Variants in SLC14A1 observed in about 807,000 individuals in gnomAD.
SLC14A1 encodes the protein solute carrier family 14 member 1 (Kidd blood group).
SLC14A1 carries 36 observed loss-of-function variants against 39.6 expected under a neutral mutation model. The ratio of observed to expected loss-of-function variants is 0.91; its 90% CI spans 0.70 to 1.20. The LOEUF (loss-of-function observed/expected upper bound fraction) is 1.20. Ranked by LOEUF, SLC14A1 falls within the 50% of genes most tolerant of loss-of-function variation. The pLI is 0.00. For missense variants in SLC14A1, 469 were observed against 478.7 expected (o/e 0.98, Z 0.19); for synonymous variants, 164 against 173.6 (o/e 0.94, Z 0.43).
At chr18:45,737,867 G>A (rs2047242877) in intron 6 of SLC14A1, among the ~76,000 whole-genome samples, 1 of 152,136 alleles carries the variant, frequency 6.6e-6, no homozygotes, top group African/African-American at 2.4e-5. Context: ...AAGTTATCCT[G>A]CACAGTGCTG....
intron 2 of SLC14A1, among the ~76,000 whole-genome samples, chr18:45,725,776 C>G (rs1235853799): frequency 6.6e-6 from 1 of 152,202 alleles, no homozygotes; most frequent in East Asian, 1.9e-4. Flanking sequence ...GATGCCCACT[C>G]TGATCCTTGG....
intron 8 of SLC14A1, among the ~76,000 whole-genome samples, chr18:45,742,103 C>T (rs1467405476): frequency 6.6e-6 from 1 of 152,060 alleles, no homozygotes; most frequent in Admixed American, 6.6e-5. Flanking sequence ...AAGAAGAAGT[C>T]CATAGTACAG....
intron 2 of SLC14A1, chr18:45,727,361 A>C: frequency 1.3e-6 from 2 of 1,551,576 alleles, no homozygotes; most frequent in Non-Finnish European, 1.7e-6. Context: ...CTGGTGACGC[A>C]GCGCGCAGAG....
At chr18:45,743,685 C>G (rs493196) in intron 8 of SLC14A1, among the ~76,000 whole-genome samples, 140,829 of 152,312 alleles carry the variant, frequency 0.92, 65,132 homozygotes, top group East Asian at 1. Context: ...CTAGCACTCG[C>G]TCAGCACTAT....
rs570729385 is a variant in SLC14A1, at chr18:45,737,204, C to G, written c.663+556C>G. ...TCTCAGACCCTCTAAATCACAATCT[C>G]TAAGGGTGGGGCCTGGAACCTGTTT... On this transcript the variant is annotated intron_variant, in intron 6 of 9. Coordinates refer to ENST00000321925, the MANE Select transcript of SLC14A1 (RefSeq NM_015865.7). 2.6e-5 allele frequency among the ~76,000 whole-genome samples: 4 copies of G among 152,346 alleles called. No individual in the cohort carries two copies. The South Asian group carries it at 8.3e-4, about 32-fold the overall frequency.
chr18:45,748,266 G>A (rs768932042), intron 8 of SLC14A1, 110 bp from the exon 9 acceptor site: 5 of 1,160,340 alleles, frequency 4.3e-6, no homozygotes, highest in East Asian at 2.4e-5. Context: ...GCTCATGCTT[G>A]TAATCAGGGC....
intron 8 of SLC14A1, among the ~76,000 whole-genome samples, chr18:45,742,863 T>A (rs192893906): frequency 6.6e-6 from 1 of 152,000 alleles, no homozygotes; most frequent in African/African-American, 2.4e-5. Context: ...TTTTTTTGTA[T>A]TTTTAGTAGA....
chr18:45,748,224 C>G, intron 8 of SLC14A1, 152 bp from the exon 9 acceptor site: 1 of 804,852 alleles, frequency 1.2e-6, no homozygotes, highest in Non-Finnish European at 2.2e-6. Flanking sequence ...AGTGATGGAG[C>G]CAGGATTTGA....
At chr18:45,731,376 T>C (rs778298286) in intron 4 of SLC14A1, 172 bp downstream of exon 4, 22 of 695,214 alleles carry the variant, frequency 3.2e-5, no homozygotes, top group Admixed American at 1.3e-4. Context: ...TACAGTCTCT[T>C]GCTCTTGATA....
At chr18:45,727,176 C>A in intron 2 of SLC14A1, 1 of 1,341,502 alleles carries the variant, frequency 7.5e-7, no homozygotes, top group Non-Finnish European at 1.0e-6. Flanking sequence ...CTCCAGCCCC[C>A]CTCAGCTTGC....
intron 2 of SLC14A1, among the ~76,000 whole-genome samples, chr18:45,725,215 C>T (rs978020344): frequency 3.9e-5 from 6 of 152,126 alleles, no homozygotes; most frequent in Non-Finnish European, 1.5e-5. Flanking sequence ...TATTTTATTT[C>T]GTGTAATAAA....
At chr18:45,733,633 CAG>C (rs1568034625) in intron 4 of SLC14A1, among the ~76,000 whole-genome samples, 1 of 152,192 alleles carries the variant, frequency 6.6e-6, no homozygotes, top group African/African-American at 2.4e-5. Context: ...TAAAAGAAAA[CAG>C]AGCAGATTGC....
At position 45,731,132 on chromosome 18, in the gene SLC14A1, C is replaced by T. The variant is rs562986926; in HGVS notation, c.269C>T (p.Pro90Leu). ...LILVGLLVQN[P>L]WWALTGWLGT... ...CTGGTAGGACTTCTTGTTCAGAACC[C>T]CTGGTGGGCTCTCACTGGCTGGCTG... Residue 90 changes from proline (P) to leucine (L), a missense_variant, in exon 4 of 10, where the codon CCC becomes CTC. Transcript: ENST00000321925. The T allele has an allele frequency of 1.9e-6, 3 of 1,614,144 alleles. No homozygotes were observed. Among genetic ancestry groups the T allele is most frequent in the Non-Finnish European group, 2.5e-6 (3 of 1,180,010 alleles).
intron 8 of SLC14A1, among the ~76,000 whole-genome samples, chr18:45,741,873 T>C (rs756311360): frequency 3.4e-4 from 52 of 152,230 alleles, no homozygotes; most frequent in Non-Finnish European, 6.6e-4. Flanking sequence ...TGAGATTGGT[T>C]AGGGGTTTCA....
intron 4 of SLC14A1, among the ~76,000 whole-genome samples, chr18:45,733,911 G>A (rs1222823738): frequency 6.6e-6 from 1 of 152,144 alleles, no homozygotes; most frequent in Non-Finnish European, 1.5e-5. Context: ...GGCATGTGAG[G>A]GATCTAGGTT....
rs1196164608 is a variant in SLC14A1 at position 45,751,217 on chromosome 18, G to A, written c.*1266G>A. 1 of 382,758 alleles carries A rather than the reference G, an allele frequency of 2.6e-6. No homozygotes were observed. Among genetic ancestry groups the A allele is most frequent in the Non-Finnish European group, 3.6e-6 (1 of 279,626 alleles). The allele number at this position is 382,758 out of a possible 1,614,324, so 23.7% of individuals were successfully genotyped here. On this transcript the variant is annotated 3_prime_UTR_variant, in exon 10 of 10. Transcript: ENST00000321925. ...TAGCCAGGCATGGTGGTGGGTGCCT[G>A]TAGTTCCAGCTACTTGGGAGGCTGA...
chr18:45,744,439 A>AT (rs961286073), intron 8 of SLC14A1, among the ~76,000 whole-genome samples: 2 of 152,040 alleles, frequency 1.3e-5, no homozygotes, highest in African/African-American at 4.8e-5. Flanking sequence ...AAGATTTAAC[A>AT]TTTTTTTCTC....
chr18:45,746,970 C>T (rs763259873), intron 8 of SLC14A1, among the ~76,000 whole-genome samples: 22 of 152,134 alleles, frequency 1.4e-4, no homozygotes, highest in African/African-American at 2.9e-4. Context: ...ACAATTCATA[C>T]GTGAAAGAAT....
intron 6 of SLC14A1, among the ~76,000 whole-genome samples, chr18:45,738,781 G>A (rs11665385): frequency 0.42 from 63,877 of 151,904 alleles, 14,198 homozygotes; most frequent in East Asian, 0.52. Flanking sequence ...GAAAGCAAAA[G>A]AAGTGTCAGC....
Sources: allele counts gnomAD v4.1 joint callset (sites outside exome capture counted in the v4.1 genomes callset), GRCh38; gene constraint gnomAD v4.1.1; transcripts MANE v1.5; gene names NCBI Gene and HGNC (gene_info 2026-07-23, HGNC 2026-07-21).